The following IL1RL1 variants were observed in gnomAD, a reference collection of about 807,000 sequenced individuals.
IL1RL1 encodes the protein interleukin 1 receptor like 1.
Under a neutral mutation model 50.9 loss-of-function variants are expected in IL1RL1, and 32 were observed. The ratio of observed to expected loss-of-function variants is 0.63; its 90% CI spans 0.47 to 0.84. The LOEUF (loss-of-function observed/expected upper bound fraction) is 0.84, where lower values mean the gene tolerates loss of function less well. Among genes scored for constraint, IL1RL1 ranks in the 40% least tolerant of loss-of-function variants. The pLI, the probability that IL1RL1 is intolerant of heterozygous loss-of-function variation, is 0.00. For synonymous variants in IL1RL1, 275 were observed against 236.0 expected (o/e 1.17, Z -1.51); for missense variants, 773 against 662.9 (o/e 1.17, Z -1.82).
At chr2:102,337,573 C>T (rs1677374042) in intron 1 of IL1RL1, among the ~76,000 whole-genome samples, 1 of 152,138 alleles carries the variant, frequency 6.6e-6, no homozygotes, top group Non-Finnish European at 1.5e-5. Flanking sequence ...TGGGAACAAG[C>T]TGAGTCAGGA....
intron 5 of IL1RL1, among the ~76,000 whole-genome samples, chr2:102,341,884 C>T (rs1038127157): frequency 2.6e-5 from 4 of 152,156 alleles, no homozygotes; most frequent in African/African-American, 7.2e-5. Context: ...TCTCTGTAGT[C>T]TTATTCTTAT....
At chr2:102,328,584 C>G (rs141541712) in intron 1 of IL1RL1, among the ~76,000 whole-genome samples, 12,668 of 152,212 alleles carry the variant, frequency 0.083, 586 homozygotes, top group Middle Eastern at 0.31. Context: ...TTGCAGATGA[C>G]ATGATTGTAT....
intron 1 of IL1RL1, among the ~76,000 whole-genome samples, chr2:102,319,124 G>GTTTCAAAGT (rs1263922121): frequency 2.6e-5 from 4 of 152,036 alleles, no homozygotes; most frequent in African/African-American, 9.7e-5. Flanking sequence ...GGTTTCAAAG[G>GTTTCAAAGT]TCCTTTGGGA....
At chr2:102,350,186 A>G (rs1677889139) in intron 10 of IL1RL1, among the ~76,000 whole-genome samples, 1 of 152,264 alleles carries the variant, frequency 6.6e-6, no homozygotes, top group Non-Finnish European at 1.5e-5. Context: ...CCATGCAGGT[A>G]GAAGTAATGA....
At chr2:102,313,793 C>G (rs1013775123) in intron 1 of IL1RL1, among the ~76,000 whole-genome samples, 1 of 152,120 alleles carries the variant, frequency 6.6e-6, no homozygotes, top group African/African-American at 2.4e-5. Flanking sequence ...AGTGGCGATG[C>G]CAACATTGTG....
At chr2:102,316,405 G>T (rs1676674570) in intron 1 of IL1RL1, among the ~76,000 whole-genome samples, 1 of 151,936 alleles carries the variant, frequency 6.6e-6, no homozygotes, top group African/African-American at 2.4e-5. Flanking sequence ...ATATTCTCTT[G>T]GTGAACCTGA....
At chr2:102,311,980 A>AATATATATTATATATAATATATTT (rs1559592171) in intron 1 of IL1RL1, among the ~76,000 whole-genome samples, 3 of 36,590 alleles carry the variant, frequency 8.2e-5, no homozygotes, top group African/African-American at 6.0e-4. Flanking sequence ...TATTATATAT[A>AATATATATTATATATAATATATTT]ATATATATTA....
chr2:102,340,676 C>T lies in IL1RL1; in HGVS notation c.458C>T (p.Ala153Val), dbSNP rs114797672. ...AATTTCTTATTTCAGAATTGTCAGG[C>T]TCTTCAAGGATCAAGGTACAGGGCG... ...APLEWFKNCQ[A>V]LQGSRYRAHK... The change falls in exon 5 of 11, where the codon GCT becomes GTT. Residue 153 changes from alanine (A) to valine (V), a missense_variant. Physicochemically the swap from Ala to Val is moderately conservative, Grantham distance 64 (BLOSUM62 0). Transcript: ENST00000233954. 1,928 of 1,585,866 alleles carry T rather than the reference C, an allele frequency of 1.2e-3. 27 individuals carry two copies. In the African/African-American group the frequency reaches 0.023, roughly 19 times the overall value.
chr2:102,315,031 C>T (rs1474038060), intron 1 of IL1RL1, among the ~76,000 whole-genome samples: 1 of 152,184 alleles, frequency 6.6e-6, no homozygotes, highest in South Asian at 2.1e-4. Context: ...TTTGCTTTCC[C>T]TTGGTACTGC....
intron 8 of IL1RL1, among the ~76,000 whole-genome samples, chr2:102,346,487 C>G (rs1459470103): frequency 6.6e-6 from 1 of 152,176 alleles, no homozygotes; most frequent in Admixed American, 6.5e-5. Context: ...TTCACACTTA[C>G]GAAGACTTCC....
chr2:102,313,828 A>AGT (rs368941865), intron 1 of IL1RL1, among the ~76,000 whole-genome samples: 6 of 151,918 alleles, frequency 3.9e-5, no homozygotes, highest in Admixed American at 6.6e-5. Flanking sequence ...TGTGTGCACG[A>AGT]GTGTGTGTGT....
chr2:102,347,915 A>T, intron 8 of IL1RL1, 30 bp from the exon 9 acceptor site: 1 of 1,282,226 alleles, frequency 7.8e-7, no homozygotes, highest in Non-Finnish European at 1.1e-6. Context: ...TTTCAGTAGT[A>T]ATAATAATCT....
chr2:102,318,161 T>C (rs1179967286), intron 1 of IL1RL1, among the ~76,000 whole-genome samples: 1 of 152,150 alleles, frequency 6.6e-6, no homozygotes, highest in Non-Finnish European at 1.5e-5. Flanking sequence ...TAGCTTCTGC[T>C]TTGAAAATCA....
At chr2:102,311,819 T>G (rs1573121394) in intron 1 of IL1RL1, among the ~76,000 whole-genome samples, 196 bp downstream of exon 1, 1 of 71,606 alleles carries the variant, frequency 1.4e-5, no homozygotes, top group African/African-American at 6.0e-5. Context: ...TATAATACAA[T>G]TATATAATAT....
At chr2:102,312,004 T>TATATTTA (rs1676521280) in intron 1 of IL1RL1, among the ~76,000 whole-genome samples, 1 of 34,010 alleles carries the variant, frequency 2.9e-5, no homozygotes, top group African/African-American at 1.1e-4. Context: ...ATAATATATT[T>TATATTTA]ATATATATTA....
chr2:102,347,479 G>A (rs920524427), intron 8 of IL1RL1, among the ~76,000 whole-genome samples: 3 of 152,114 alleles, frequency 2.0e-5, no homozygotes, highest in Non-Finnish European at 4.4e-5. Context: ...CCCCAAACTG[G>A]GTTATTCCAT....
intron 1 of IL1RL1, chr2:102,337,411 G>A (rs561815616): frequency 6.6e-6 from 1 of 152,368 alleles, no homozygotes; most frequent in Admixed American, 6.5e-5. Flanking sequence ...TTATCTTTAT[G>A]TTAGTAAATT....
intron 1 of IL1RL1, among the ~76,000 whole-genome samples, chr2:102,316,962 A>G (rs2104959745): frequency 6.6e-6 from 1 of 152,234 alleles, no homozygotes; most frequent in East Asian, 1.9e-4. Flanking sequence ...CACTTGTATT[A>G]TTTACATGTC....
intron 1 of IL1RL1, among the ~76,000 whole-genome samples, chr2:102,326,149 A>T (rs1469496565): frequency 6.6e-6 from 1 of 152,238 alleles, no homozygotes; most frequent in Non-Finnish European, 1.5e-5. Flanking sequence ...CTAAAAGCTG[A>T]TCTCTTGGCA....
Sources: allele counts gnomAD v4.1 joint callset (sites outside exome capture counted in the v4.1 genomes callset), GRCh38; gene constraint gnomAD v4.1.1; transcripts MANE v1.5; gene names NCBI Gene and HGNC (gene_info 2026-07-23, HGNC 2026-07-21).